The following TBCK variants were observed in gnomAD, a reference collection of about 807,000 sequenced individuals.
TBCK encodes the protein TBC domain-containing protein kinase-like protein.
TBCK carries 99 observed loss-of-function variants against 113.4 expected under a neutral mutation model. The ratio of observed to expected loss-of-function variants is 0.87; its 90% CI spans 0.74 to 1.03. The LOEUF (loss-of-function observed/expected upper bound fraction) is 1.03. Ranked by LOEUF, TBCK falls within the 50% of genes least tolerant of loss-of-function variation. The pLI is 0.00. For missense variants in TBCK, 1,045 were observed against 1,061.3 expected (o/e 0.98, Z 0.21); for synonymous variants, 369 against 370.8 (o/e 1.00, Z 0.05).
chr4:106,302,879 A>T, intron 2 of TBCK, among the ~76,000 whole-genome samples: 1 of 152,242 alleles, frequency 6.6e-6, no homozygotes. Context: ...CATCTAATTA[A>T]TGTCACTAAA....
At chr4:106,239,127 C>T (rs1332745893) in intron 12 of TBCK, among the ~76,000 whole-genome samples, 2 of 152,086 alleles carry the variant, frequency 1.3e-5, no homozygotes, top group African/African-American at 2.4e-5. Flanking sequence ...TCTTAACTAA[C>T]TTGGGTTTTA....
intron 25 of TBCK, among the ~76,000 whole-genome samples, chr4:106,069,368 G>A (rs1300257049): frequency 6.6e-6 from 1 of 152,186 alleles, no homozygotes; most frequent in Non-Finnish European, 1.5e-5. Flanking sequence ...CATATGGCTA[G>A]CCAGTTTTCC....
chr4:106,120,442 C>T (rs1219853032), intron 23 of TBCK, among the ~76,000 whole-genome samples: 1 of 152,214 alleles, frequency 6.6e-6, no homozygotes, highest in Non-Finnish European at 1.5e-5. Flanking sequence ...AGCTGGGAAG[C>T]TTGAACTGGG....
chr4:106,110,072 C>T (rs907359774), intron 24 of TBCK, among the ~76,000 whole-genome samples: 5 of 152,220 alleles, frequency 3.3e-5, no homozygotes, highest in African/African-American at 9.6e-5. Flanking sequence ...TGCAGGACTG[C>T]TCTCTCCAGG....
At chr4:106,179,036 A>G (rs1328375200) in intron 22 of TBCK, among the ~76,000 whole-genome samples, 1 of 151,950 alleles carries the variant, frequency 6.6e-6, no homozygotes, top group Admixed American at 6.6e-5. Flanking sequence ...GTTGTTCATA[A>G]TAGTCTCTAA....
chr4:106,300,929 C>T (rs6831665), intron 2 of TBCK, among the ~76,000 whole-genome samples: 21,452 of 151,890 alleles, frequency 0.14, 1,710 homozygotes, highest in South Asian at 0.25. Context: ...AGTGAGACTC[C>T]TGTCTCTGAA....
At chr4:106,163,787 T>G (rs1381990857) in intron 23 of TBCK, among the ~76,000 whole-genome samples, 1 of 152,074 alleles carries the variant, frequency 6.6e-6, no homozygotes, top group Non-Finnish European at 1.5e-5. Flanking sequence ...CACATGGGAA[T>G]TACTACAATT....
chr4:106,093,310 C>T (rs1740521853), intron 25 of TBCK, among the ~76,000 whole-genome samples: 1 of 152,050 alleles, frequency 6.6e-6, no homozygotes, highest in Non-Finnish European at 1.5e-5. Flanking sequence ...ATTGAGACCA[C>T]CCTGTCTAAC....
chr4:106,238,087 T>C (rs2078650209), intron 12 of TBCK, among the ~76,000 whole-genome samples: 1 of 152,070 alleles, frequency 6.6e-6, no homozygotes, highest in Non-Finnish European at 1.5e-5. Context: ...TTGAGACATT[T>C]AGATTTGAAG....
rs769581714 is a variant in TBCK, at chr4:106,171,205, T to A, written c.2125A>T (p.Thr709Ser). ...GGAGGTTGAGCATGCTGTCTGTAAG[T>A]AGCACTTTTAGGAGTCCAACAAAAC... is the stretch of plus-strand genomic sequence containing the variant. ...NLFCWTPKSA[T>S]YRQHAQPPKP... The change falls in exon 23 of 26, where the codon ACT (threonine) becomes TCT (serine). Residue 709 changes from threonine to serine, a missense_variant. By Grantham distance (58) the Thr-to-Ser change is moderately conservative (BLOSUM62 1). Transcript: ENST00000394708. The A allele has an allele frequency of 6.2e-7, 1 of 1,612,786 alleles. No homozygotes were observed.
At chr4:106,169,195 T>C (rs1472840123) in intron 23 of TBCK, among the ~76,000 whole-genome samples, 1 of 152,074 alleles carries the variant, frequency 6.6e-6, no homozygotes, top group East Asian at 1.9e-4. Flanking sequence ...AGTTATTTTG[T>C]AGGTATCAAC....
intron 23 of TBCK, among the ~76,000 whole-genome samples, chr4:106,130,251 T>A (rs901421099): frequency 6.6e-6 from 1 of 152,214 alleles, no homozygotes. Context: ...TATTAAAATA[T>A]GCACATCTTT....
chr4:106,288,026 A>G (rs1765292640), intron 3 of TBCK, among the ~76,000 whole-genome samples: 1 of 152,068 alleles, frequency 6.6e-6, no homozygotes, highest in South Asian at 2.1e-4. Context: ...TGGCTCAAAC[A>G]TCTTCATTAA....
chr4:106,086,358 T>C (rs894111548), intron 25 of TBCK, among the ~76,000 whole-genome samples: 7 of 152,108 alleles, frequency 4.6e-5, no homozygotes, highest in African/African-American at 1.7e-4. Context: ...CTGGGATGCA[T>C]ACACCCTACC....
intron 5 of TBCK, among the ~76,000 whole-genome samples, chr4:106,256,535 C>T (rs1283573698): frequency 2.0e-5 from 3 of 152,230 alleles, no homozygotes; most frequent in African/African-American, 7.2e-5. Context: ...CCGGGAGAGG[C>T]CAGGCAGTGG....
chr4:106,242,629 A>G (rs1055188139), intron 11 of TBCK, 60 bp from the exon 12 acceptor site: 7 of 1,231,340 alleles, frequency 5.7e-6, no homozygotes, highest in Non-Finnish European at 7.9e-6. Flanking sequence ...TTTCTTCTAG[A>G]AAGTAAAGTT....
intron 23 of TBCK, among the ~76,000 whole-genome samples, chr4:106,170,098 T>C (rs1750820536): frequency 6.6e-6 from 1 of 152,080 alleles, no homozygotes; most frequent in Non-Finnish European, 1.5e-5. Flanking sequence ...TGGGGATCCC[T>C]GATCTAGAAC....
chr4:106,151,528 G>A (rs144497705), intron 23 of TBCK, among the ~76,000 whole-genome samples: 185 of 151,966 alleles, frequency 1.2e-3, no homozygotes, highest in African/African-American at 4.1e-3. Flanking sequence ...CTGTGTTGTC[G>A]CAAATGACAG....
At chr4:106,104,934 G>A (rs1403051384) in intron 24 of TBCK, among the ~76,000 whole-genome samples, 2 of 152,166 alleles carry the variant, frequency 1.3e-5, no homozygotes, top group African/African-American at 4.8e-5. Context: ...TATTACATGG[G>A]TTCCTGTTCC....
Sources: gnomAD v4.1 joint callset for allele counts (sites outside exome capture counted in the v4.1 genomes callset) on GRCh38, gnomAD v4.1.1 for gene constraint, MANE v1.5 for transcripts, NCBI Gene and HGNC (gene_info 2026-07-23, HGNC 2026-07-21) for gene names.